Variants in PATJ observed in about 807,000 individuals in gnomAD.
PATJ encodes the protein inaD-like protein.
A neutral mutation model predicts 224.9 loss-of-function variants in PATJ; 190 were observed. The ratio of observed to expected loss-of-function variants is 0.84; its 90% CI spans 0.75 to 0.95. PATJ has a LOEUF of 0.95. Among genes scored for constraint, PATJ ranks in the 40% least tolerant of loss-of-function variants. The probability of loss-of-function intolerance (pLI) is 0.00; values close to 1 mark genes in which losing one functional copy is unlikely to be tolerated. For missense variants in PATJ, 2,121 were observed against 2,270.3 expected (o/e 0.93, Z 1.34); for synonymous variants, 769 against 820.3 (o/e 0.94, Z 1.07).
At chr1:61,872,766 C>A (rs755854360) in intron 20 of PATJ, among the ~76,000 whole-genome samples, 1 of 152,180 alleles carries the variant, frequency 6.6e-6, no homozygotes, top group Non-Finnish European at 1.5e-5. Context: ...CCCACTCAGT[C>A]CTCTCTTGCT....
chr1:62,045,143 C>T (rs1280333003), intron 30 of PATJ, among the ~76,000 whole-genome samples: 1 of 151,944 alleles, frequency 6.6e-6, no homozygotes, highest in Non-Finnish European at 1.5e-5. Flanking sequence ...ATCACTTGAA[C>T]CCAGGAGGCG....
intron 26 of PATJ, among the ~76,000 whole-genome samples, chr1:61,918,277 C>T (rs1193165974): frequency 6.8e-6 from 1 of 146,200 alleles, no homozygotes; most frequent in African/African-American, 2.5e-5. Flanking sequence ...AAGTTTTTTA[C>T]ATTTGTTGGC....
intron 27 of PATJ, among the ~76,000 whole-genome samples, chr1:61,982,756 G>A (rs1056086158): frequency 2.0e-5 from 3 of 152,014 alleles, no homozygotes; most frequent in Non-Finnish European, 4.4e-5. Context: ...AGCTAGTACT[G>A]ACATAATTTA....
In PATJ at chr1:62,065,553, A is replaced by G. The variant is rs2148661716; in HGVS notation, c.4126-13897A>G. On this transcript the variant is annotated intron_variant, in intron 31 of 43. Transcript: ENST00000642238. ...ATCTCAGGAGGCAGAGGTTGCAGTG[A>G]GCCAAGATCACACCATTGCACTCCA... 2.0e-5 allele frequency among the ~76,000 whole-genome samples: 3 copies of G among 152,286 alleles called. 1 individual carries two copies. In the East Asian group the frequency reaches 5.8e-4, roughly 29 times the overall value.
intron 7 of PATJ, among the ~76,000 whole-genome samples, chr1:61,785,222 A>G (rs1202255176): frequency 6.6e-6 from 1 of 152,212 alleles, no homozygotes; most frequent in Non-Finnish European, 1.5e-5. Flanking sequence ...TCTCTTTTCA[A>G]GCTTTCTCTC....
At chr1:61,956,551 T>C (rs1680465494) in intron 27 of PATJ, among the ~76,000 whole-genome samples, 1 of 152,104 alleles carries the variant, frequency 6.6e-6, no homozygotes, top group Non-Finnish European at 1.5e-5. Flanking sequence ...AAAAAGAAAT[T>C]TATATCTAAT....
intron 28 of PATJ, among the ~76,000 whole-genome samples, chr1:61,996,235 G>T (rs1414526461): frequency 6.6e-6 from 1 of 152,174 alleles, no homozygotes; most frequent in African/African-American, 2.4e-5. Flanking sequence ...TCAGTGTCCA[G>T]TAATATTTAT....
Position 61,984,962 on chromosome 1 carries a change from CA to C in PATJ, c.3671-5205del, listed in dbSNP as rs573954742. On this transcript the variant is annotated intron_variant, in intron 27 of 43. Transcript: ENST00000642238. ...AATTTGGATTCAATTCATAGTAATTCATTGAATAAGCAGGATTATAGTAGGG... is the reference window on the plus strand; with the variant it reads ...AATTTGGATTCAATTCATAGTAATTCTTGAATAAGCAGGATTATAGTAGGG... 2.6e-3 allele frequency among the ~76,000 whole-genome samples: 401 copies of C among 152,116 alleles called. 11 individuals carry two copies. Among genetic ancestry groups the C allele is most frequent in the African/African-American group, 9.1e-3 (375 of 41,414 alleles).
intron 1 of PATJ, among the ~76,000 whole-genome samples, chr1:61,754,293 C>G (rs1309021707): frequency 6.6e-6 from 1 of 152,184 alleles, no homozygotes; most frequent in East Asian, 1.9e-4. Flanking sequence ...CCAAAGATTT[C>G]CTATGACCAT....
At chr1:61,762,408 A>T (rs1209938160) in intron 1 of PATJ, among the ~76,000 whole-genome samples, 1 of 151,876 alleles carries the variant, frequency 6.6e-6, no homozygotes, top group African/African-American at 2.4e-5. Flanking sequence ...TTCATCTGTT[A>T]CTAGACACTT....
At chr1:61,786,297 C>G (rs1042622464) in intron 7 of PATJ, among the ~76,000 whole-genome samples, 1 of 152,190 alleles carries the variant, frequency 6.6e-6, no homozygotes. Flanking sequence ...GCTGGGATTA[C>G]AGGTGTGAGC....
At chr1:61,808,764 T>C (rs1654096157) in intron 14 of PATJ, among the ~76,000 whole-genome samples, 1 of 152,162 alleles carries the variant, frequency 6.6e-6, no homozygotes, top group African/African-American at 2.4e-5. Flanking sequence ...ACCTAAAGTT[T>C]CCAGAATTTA....
intron 22 of PATJ, among the ~76,000 whole-genome samples, chr1:61,893,522 C>T (rs371601947): frequency 1.3e-5 from 2 of 148,960 alleles, no homozygotes; most frequent in African/African-American, 4.9e-5. Flanking sequence ...GAATTTAGGC[C>T]AGGTGTGGTG....
chr1:62,137,275 G>A (rs894020506), intron 41 of PATJ, among the ~76,000 whole-genome samples: 1 of 150,864 alleles, frequency 6.6e-6, no homozygotes, highest in African/African-American at 2.4e-5. Context: ...AAACAGTGGG[G>A]AAGGTGGCAC....
chr1:61,793,722 C>T (rs1270267000), intron 9 of PATJ, among the ~76,000 whole-genome samples: 5 of 73,694 alleles, frequency 6.8e-5, no homozygotes, highest in African/African-American at 1.7e-4. Context: ...GATCCTGTTT[C>T]AAAAAAAAAA....
intron 22 of PATJ, among the ~76,000 whole-genome samples, chr1:61,888,637 A>C (rs2149097011): frequency 6.6e-6 from 1 of 152,338 alleles, no homozygotes. Context: ...TGCAGAAATG[A>C]GACTGCTTCT....
chr1:61,997,998 A>ATAG (rs56007673), intron 28 of PATJ, among the ~76,000 whole-genome samples: 1 of 92,666 alleles, frequency 1.1e-5, no homozygotes, highest in African/African-American at 5.1e-5. Flanking sequence ...ATGTATATAT[A>ATAG]ATATATTATA....
intron 37 of PATJ, 158 bp downstream of exon 37, chr1:62,117,376 A>G (rs954473843): frequency 1.4e-6 from 2 of 1,423,996 alleles, no homozygotes; most frequent in South Asian, 1.5e-5. Context: ...TAAAAATGAA[A>G]GGTGGGATGG....
At chr1:62,096,709 G>A (rs905178026) in intron 33 of PATJ, among the ~76,000 whole-genome samples, 6 of 151,964 alleles carry the variant, frequency 3.9e-5, no homozygotes, top group Admixed American at 2.0e-4. Flanking sequence ...TCCTCCTCCC[G>A]GGTTCAAGTG....
Sources: gnomAD v4.1 joint callset for allele counts (sites outside exome capture counted in the v4.1 genomes callset) on GRCh38, gnomAD v4.1.1 for gene constraint, MANE v1.5 for transcripts, NCBI Gene and HGNC (gene_info 2026-07-23, HGNC 2026-07-21) for gene names.